Variants in FOXN1 observed in about 807,000 individuals in gnomAD.
FOXN1 encodes forkhead box N1.
FOXN1 carries 15 observed loss-of-function variants against 49.0 expected under a neutral mutation model. That is an observed-to-expected ratio of 0.31 (90% CI 0.20 to 0.47). The LOEUF (loss-of-function observed/expected upper bound fraction) is 0.47. Ranked by LOEUF, FOXN1 falls within the 20% of genes least tolerant of loss-of-function variation. The pLI is 1.00. For missense variants in FOXN1, 800 were observed against 842.8 expected (o/e 0.95, Z 0.63); for synonymous variants, 356 against 369.0 (o/e 0.96, Z 0.40).
chr17:28,534,643 C>T lies in FOXN1; in HGVS notation c.1136-64C>T, dbSNP rs1485655659. On this transcript the variant is annotated intron_variant, in intron 7 of 8. Transcript: ENST00000579795. This position sits in a 1 kb window ranked among gnomAD's most constrained non-coding sequence, Gnocchi z 4.1. The stretch of plus-strand genomic sequence containing the variant: ...GAGGCAAGGCCCCGAGTAAGGGTTC[C>T]AGTCTGGGGAAGACTGTGGAGGAGG... The T allele has an allele frequency of 1.9e-6, 3 of 1,610,212 alleles. No homozygotes were observed. In the African/African-American group the frequency reaches 4.0e-5, roughly 22 times the overall value.
chr17:28,518,845 T>C (rs541620020), intron 1 of FOXN1, among the ~76,000 whole-genome samples: 3 of 152,284 alleles, frequency 2.0e-5, no homozygotes, highest in East Asian at 1.9e-4. Flanking sequence ...GCGCAGGTCA[T>C]TTCTTCTCTC....
intron 4 of FOXN1, among the ~76,000 whole-genome samples, chr17:28,528,430 C>G (rs1333063758): frequency 2.0e-5 from 3 of 151,056 alleles, no homozygotes; most frequent in African/African-American, 7.3e-5. Flanking sequence ...CAGTCTGCAC[C>G]CCCTCTCAAG....
chr17:28,536,091 G>A (rs922425006), intron 8 of FOXN1, among the ~76,000 whole-genome samples: 17 of 152,204 alleles, frequency 1.1e-4, no homozygotes, highest in South Asian at 2.1e-4. Context: ...GGTTTGGAAC[G>A]GGGTGACGAC....
At chr17:28,520,059 A>T (rs1157429147) in intron 1 of FOXN1, among the ~76,000 whole-genome samples, 1 of 152,218 alleles carries the variant, frequency 6.6e-6, no homozygotes, top group African/African-American at 2.4e-5. Flanking sequence ...TTAATCCTCC[A>T]GAGAGGTAAG....
At chr17:28,516,403 A>G (rs950897769) in intron 1 of FOXN1, among the ~76,000 whole-genome samples, 1 of 151,190 alleles carries the variant, frequency 6.6e-6, no homozygotes, top group African/African-American at 2.4e-5. Context: ...CAGGATCCAT[A>G]CCATCACGGG....
Position 28,507,424 on chromosome 17 carries a change from G to A in FOXN1, c.-15+981G>A, listed in dbSNP as rs139276373. On this transcript the variant is annotated intron_variant, in intron 1 of 8. Coordinates refer to ENST00000579795, the MANE Select transcript of FOXN1 (RefSeq NM_001369369.1). ...TGGGGGATATGTCTGGATGTGCTTTGTGGCAATGCACAACTGGTCAGTGGG... is the reference window on the plus strand; with the variant it reads ...TGGGGGATATGTCTGGATGTGCTTTATGGCAATGCACAACTGGTCAGTGGG... Among the ~76,000 whole-genome samples, 244 of 152,314 alleles carry A rather than the reference G, an allele frequency of 1.6e-3. 1 individual carries two copies. Among genetic ancestry groups the A allele is most frequent in the African/African-American group, 5.1e-3 (214 of 41,562 alleles).
At chr17:28,526,177 C>T (rs2069762174) in intron 3 of FOXN1, among the ~76,000 whole-genome samples, 1 of 152,236 alleles carries the variant, frequency 6.6e-6, no homozygotes, top group South Asian at 2.1e-4. Context: ...ACACAGGTAT[C>T]TGGTCGACTT....
intron 1 of FOXN1, among the ~76,000 whole-genome samples, chr17:28,518,038 C>A (rs573482896): frequency 6.6e-4 from 99 of 149,640 alleles, no homozygotes; most frequent in Non-Finnish European, 7.6e-4. Context: ...ACAGGATACA[C>A]ACCTCCACAG....
chr17:28,509,628 A>G (rs1327406112), intron 1 of FOXN1, among the ~76,000 whole-genome samples: 1 of 152,200 alleles, frequency 6.6e-6, no homozygotes, highest in Non-Finnish European at 1.5e-5. Context: ...TCCTCATCCT[A>G]TCTGGGCCGT....
chr17:28,513,268 C>G (rs1567871191), intron 1 of FOXN1, among the ~76,000 whole-genome samples: 1 of 151,766 alleles, frequency 6.6e-6, no homozygotes, highest in Non-Finnish European at 1.5e-5. Flanking sequence ...GACTTTGTCT[C>G]AAACAAACAA....
At chr17:28,510,458 C>G (rs1250029328) in intron 1 of FOXN1, among the ~76,000 whole-genome samples, 2 of 151,630 alleles carry the variant, frequency 1.3e-5, no homozygotes, top group Non-Finnish European at 2.9e-5. Context: ...TGCCTGGAGA[C>G]AGTTGGAGGT....
rs555896642 is a variant in FOXN1, at chr17:28,526,609, G to C, written c.589-642G>C. Reference sequence around the variant, plus strand: ...ATGCCCAGTGTGAGAGCATCCACAGGACTCACGCAGGCCAGCAACTGTGCA... The same window carrying C: ...ATGCCCAGTGTGAGAGCATCCACAGCACTCACGCAGGCCAGCAACTGTGCA... On this transcript the variant is annotated intron_variant, in intron 3 of 8. Transcript: ENST00000579795. Among the ~76,000 whole-genome samples, 49 of 152,338 alleles carry C rather than the reference G, an allele frequency of 3.2e-4. 1 individual carries two copies. The highest frequency in any genetic ancestry group is 1.2e-3 in the African/African-American group (48 of 41,574).
chr17:28,534,679 GGT>G lies in FOXN1; in HGVS notation c.1136-25_1136-24del. The stretch of plus-strand genomic sequence containing the variant: ...AGACTGTGGAGGAGGGAGGTCTCAT[GGT>G]GTTCTTTCTCTCTTGGGCCTTTCAG... On this transcript the variant is annotated intron_variant, in intron 7 of 8. Coordinates refer to ENST00000579795, the MANE Select transcript of FOXN1 (RefSeq NM_001369369.1). The surrounding 1 kb of genome is among the most constrained non-coding windows in gnomAD (Gnocchi z 4.1). 2 of 1,613,056 alleles carry G rather than the reference GGT, an allele frequency of 1.2e-6. No homozygotes were observed. The highest frequency in any genetic ancestry group is 1.7e-6 in the Non-Finnish European group (2 of 1,179,856).
chr17:28,510,084 ACCCTCCAGAT>A (rs1305653253), intron 1 of FOXN1, among the ~76,000 whole-genome samples: 5 of 151,984 alleles, frequency 3.3e-5, no homozygotes, highest in Admixed American at 3.3e-4. Context: ...GGGGTAGGCA[ACCCTCCAGAT>A]CCTCCCATCC....
Position 28,529,135 on chromosome 17 carries a change from C to G in FOXN1, c.741C>G (p.Gly247=). 6.2e-7 allele frequency: 1 copy of G among 1,614,158 alleles called. No homozygotes were observed. Among genetic ancestry groups the G allele is most frequent in the East Asian group, 2.2e-5 (1 of 44,880 alleles). Reference sequence around the variant, plus strand: ...GCAGCTACCCCATACCCTACCTGGGCTCCTCACACTATCAGTACCAGCGAA... The same window carrying G: ...GCAGCTACCCCATACCCTACCTGGGGTCCTCACACTATCAGTACCAGCGAA... The part of the protein sequence containing the change: ...GGGSYPIPYL[G]SSHYQYQRMA... Residue 247 remains glycine (G), a synonymous_variant, in exon 5 of 9, where the codon GGC becomes GGG. Transcript: ENST00000579795.
chr17:28,528,540 G>C (rs1024899551), intron 4 of FOXN1, among the ~76,000 whole-genome samples: 5 of 152,082 alleles, frequency 3.3e-5, no homozygotes, highest in Admixed American at 2.0e-4. Context: ...TGGAGCAGCT[G>C]GGGGAGTCAG....
intron 1 of FOXN1, among the ~76,000 whole-genome samples, chr17:28,522,116 G>T (rs2069653456): frequency 6.6e-6 from 1 of 152,270 alleles, no homozygotes; most frequent in South Asian, 2.1e-4. Context: ...ACTTGGGCAA[G>T]TCACATAACC....
Position 28,534,301 on chromosome 17 carries a change from C to G in FOXN1, c.928-30C>G. 1 of 1,614,002 alleles carries G rather than the reference C, an allele frequency of 6.2e-7. No individual in the cohort carries two copies. Among genetic ancestry groups the G allele is most frequent in the Non-Finnish European group, 8.5e-7 (1 of 1,179,998 alleles). On this transcript the variant is annotated intron_variant, in intron 6 of 8. Coordinates refer to ENST00000579795, the MANE Select transcript of FOXN1 (RefSeq NM_001369369.1). The surrounding 1 kb of genome is among the most constrained non-coding windows in gnomAD (Gnocchi z 4.1). ...CCCGCTCTGGCTTCCTGAGCCTGGC[C>G]TGAATGCTTGTCTTGCTCTGTTCCG...
intron 1 of FOXN1, among the ~76,000 whole-genome samples, chr17:28,511,428 G>A (rs188113325): frequency 8.5e-5 from 13 of 152,272 alleles, no homozygotes; most frequent in Non-Finnish European, 1.6e-4. Context: ...GGCAAAGAGC[G>A]AGCGCACCAG....
Sources: gnomAD v4.1 joint callset for allele counts (sites outside exome capture counted in the v4.1 genomes callset) on GRCh38, gnomAD v4.1.1 for gene constraint, Gnocchi (gnomAD v3.1) non-coding constraint, MANE v1.5 for transcripts, NCBI Gene and HGNC (gene_info 2026-07-23, HGNC 2026-07-21) for gene names.